Variants in ESRRG observed in about 807,000 individuals in gnomAD.
ESRRG encodes the protein estrogen-related receptor gamma.
In ESRRG, 13 loss-of-function variants were observed where a neutral mutation model predicts 44.0. That is an observed-to-expected ratio of 0.30 (90% CI 0.19 to 0.47). ESRRG has a LOEUF of 0.47. ESRRG is among the 20% of genes least tolerant of loss of function. The probability of loss-of-function intolerance (pLI) is 1.00; values close to 1 mark genes in which losing one functional copy is unlikely to be tolerated. For missense variants in ESRRG, 395 were observed against 580.6 expected (o/e 0.68, Z 3.29); for synonymous variants, 215 against 214.6 (o/e 1.00, Z -0.02).
upstream of ESRRG, among the ~76,000 whole-genome samples, chr1:216,723,979 G>A (rs980558505): frequency 6.6e-6 from 1 of 152,030 alleles, no homozygotes; most frequent in African/African-American, 2.4e-5. Context: ...ACTTTCTCAT[G>A]TATTCCTAAT....
At chr1:216,725,370 G>T (rs563243998), upstream of ESRRG, among the ~76,000 whole-genome samples, 5 of 151,984 alleles carry the variant, frequency 3.3e-5, no homozygotes, top group South Asian at 1.0e-3. Flanking sequence ...ATGTAAATTT[G>T]GTTGTGAGCA....
At chr1:217,053,384 G>C (rs535002841) in intron 1 of ESRRG, among the ~76,000 whole-genome samples, 2 of 151,922 alleles carry the variant, frequency 1.3e-5, no homozygotes, top group South Asian at 4.2e-4. Flanking sequence ...GAACCTAGGA[G>C]ATAGAGGTTG....
At chr1:216,723,203 C>A (rs1471886773) in intron 1 of ESRRG, 41 bp downstream of exon 1, 6 of 1,542,358 alleles carry the variant, frequency 3.9e-6, no homozygotes, top group Non-Finnish European at 4.5e-6. Flanking sequence ...ACCCCCGCAC[C>A]CCCACGACGA....
intron 2 of ESRRG, among the ~76,000 whole-genome samples, chr1:216,898,005 G>A (rs961245370): frequency 6.6e-6 from 1 of 152,118 alleles, no homozygotes; most frequent in Non-Finnish European, 1.5e-5. Flanking sequence ...TCTGCACAAT[G>A]AATATGCATC....
At chr1:216,650,239 A>G (rs1463810474) in intron 3 of ESRRG, among the ~76,000 whole-genome samples, 3 of 152,196 alleles carry the variant, frequency 2.0e-5, no homozygotes, top group Non-Finnish European at 4.4e-5. Context: ...CAAAAACTGA[A>G]TCACAGGCCT....
chr1:216,599,859 T>C (rs192264401), intron 3 of ESRRG, among the ~76,000 whole-genome samples: 2 of 151,542 alleles, frequency 1.3e-5, no homozygotes, highest in Admixed American at 6.6e-5. Flanking sequence ...AAAGGTACCC[T>C]ATGCATTTTT....
intron 2 of ESRRG, among the ~76,000 whole-genome samples, chr1:216,762,663 A>G (rs551465416): frequency 1.3e-5 from 2 of 152,088 alleles, no homozygotes; most frequent in Non-Finnish European, 1.5e-5. Flanking sequence ...TATGTAACTA[A>G]CCTGCATATT....
intron 2 of ESRRG, among the ~76,000 whole-genome samples, chr1:216,935,353 C>T (rs577866937): frequency 6.6e-6 from 1 of 152,258 alleles, no homozygotes; most frequent in East Asian, 1.9e-4. Flanking sequence ...TTTCCTTAAC[C>T]CCCTTCTCTG....
At chr1:216,959,970 A>G (rs1217816553) in intron 1 of ESRRG, among the ~76,000 whole-genome samples, 1 of 152,128 alleles carries the variant, frequency 6.6e-6, no homozygotes, top group Non-Finnish European at 1.5e-5. Flanking sequence ...AAGAACATTG[A>G]GGCTTAGGGT....
At chr1:217,084,266 A>C (rs539200159) in intron 1 of ESRRG, among the ~76,000 whole-genome samples, 1 of 152,322 alleles carries the variant, frequency 6.6e-6, no homozygotes, top group Non-Finnish European at 1.5e-5. Context: ...TGCAATAAAT[A>C]TTCTTCTAAA....
At chr1:216,742,958 G>C (rs2090941928) in intron 2 of ESRRG, among the ~76,000 whole-genome samples, 1 of 152,100 alleles carries the variant, frequency 6.6e-6, no homozygotes, top group African/African-American at 2.4e-5. Flanking sequence ...CATTGAATGA[G>C]AGGTGCAGCA....
At chr1:216,714,558 T>C in intron 1 of ESRRG, 2 of 980,894 alleles carry the variant, frequency 2.0e-6, no homozygotes, top group Non-Finnish European at 2.4e-6. Context: ...CTGTCACATA[T>C]GGTGACCACA....
At chr1:216,826,284 A>G (rs1320768483) in intron 2 of ESRRG, among the ~76,000 whole-genome samples, 3 of 152,112 alleles carry the variant, frequency 2.0e-5, no homozygotes, top group African/African-American at 4.8e-5. Context: ...ACAATCTAAT[A>G]TAATATATTT....
At position 217,036,844 on chromosome 1, in the gene ESRRG, A is replaced by C. The variant is rs546690493; in HGVS notation, c.-106+52663T>G. On this transcript the variant is annotated intron_variant, in intron 1 of 7. Coordinates refer to the ESRRG transcript ENST00000359162. The stretch of plus-strand genomic sequence containing the variant: ...AAAAAAAAGAAAAGAAAGAAAAGAA[A>C]AAAAAAAGAGTATAGGCGATGGAAA... 4.6e-5 allele frequency among the ~76,000 whole-genome samples: 7 copies of C among 151,436 alleles called. No homozygotes were observed. In the South Asian group the frequency reaches 1.5e-3, roughly 32 times the overall value.
Position 216,510,544 on chromosome 1 carries a change from T to C in ESRRG, c.1133-3361A>G, listed in dbSNP as rs180699417. The stretch of plus-strand genomic sequence containing the variant: ...CCACTGAAAAAGAAGATTTTATTTT[T>C]ATATCTTCCCTTGAATAAAATACTG... On this transcript the variant is annotated intron_variant, in intron 6 of 6. Coordinates refer to ENST00000408911, the MANE Select transcript of ESRRG (RefSeq NM_001438.4). Among the ~76,000 whole-genome samples, 138 of 152,288 alleles carry C rather than the reference T, an allele frequency of 9.1e-4. 2 individuals are homozygous for C. Among genetic ancestry groups the C allele is most frequent in the South Asian group, 2.7e-3 (13 of 4,832 alleles).
At chr1:217,062,576 G>A (rs1255836304) in intron 1 of ESRRG, among the ~76,000 whole-genome samples, 1 of 152,154 alleles carries the variant, frequency 6.6e-6, no homozygotes, top group Non-Finnish European at 1.5e-5. Flanking sequence ...TCCTTGTGAG[G>A]AGGTAAGAAA....
intron 1 of ESRRG, among the ~76,000 whole-genome samples, chr1:217,108,588 C>A (rs1173229930): frequency 1.3e-5 from 2 of 152,170 alleles, no homozygotes; most frequent in East Asian, 3.9e-4. Flanking sequence ...CCCCTTGGTG[C>A]TGTCTTGGTG....
At chr1:217,034,864 A>C (rs1047251150) in intron 1 of ESRRG, among the ~76,000 whole-genome samples, 4 of 152,176 alleles carry the variant, frequency 2.6e-5, no homozygotes, top group African/African-American at 9.7e-5. Context: ...TCCATAATGA[A>C]ATATTACACC....
At chr1:217,010,208 T>A (rs538260569) in intron 1 of ESRRG, among the ~76,000 whole-genome samples, 1 of 152,180 alleles carries the variant, frequency 6.6e-6, no homozygotes, top group Non-Finnish European at 1.5e-5. Context: ...CAATTTCTGA[T>A]GAATAAACAT....
Sources: allele counts gnomAD v4.1 joint callset (sites outside exome capture counted in the v4.1 genomes callset), GRCh38; gene constraint gnomAD v4.1.1; transcripts MANE v1.5; gene names NCBI Gene and HGNC (gene_info 2026-07-23, HGNC 2026-07-21).